DYNC1H1: variants seen among roughly 807,000 people sequenced by gnomAD.
The protein encoded by DYNC1H1 is cytoplasmic dynein 1 heavy chain 1.
Under a neutral mutation model 527.1 loss-of-function variants are expected in DYNC1H1, and 51 were observed. The observed-to-expected ratio is 0.10, with a 90% CI of 0.08 to 0.12. The LOEUF (loss-of-function observed/expected upper bound fraction) is 0.12. DYNC1H1 is among the 10% of genes least tolerant of loss of function. The pLI, the probability that DYNC1H1 is intolerant of heterozygous loss-of-function variation, is 1.00. For synonymous variants in DYNC1H1, 2,189 were observed against 2,278.8 expected, an observed-to-expected ratio of 0.96 and a Z score of 1.12; for missense variants, 2,771 against 5,971.8, an observed-to-expected ratio of 0.46 and a Z score of 17.66.
In DYNC1H1 at chr14:102,036,655, C is replaced by T. The variant is rs756959195; in HGVS notation, c.10908+13C>T. 34 of 1,613,928 alleles carry T rather than the reference C, an allele frequency of 2.1e-5. No individual in the cohort carries two copies. The South Asian group carries it at 2.9e-4, about 14-fold the overall frequency. On this transcript the variant is annotated intron_variant, in intron 57 of 77. Transcript: ENST00000360184. The surrounding 1 kb of genome is among the most constrained non-coding windows in gnomAD (Gnocchi z 5.6). The stretch of plus-strand genomic sequence containing the variant: ...CCTTCTGGTCCAGGTTGGTGTTGGC[C>T]TTTGAATTCTTGAAACACTGCATTC...
chr14:102,006,772 G>T (rs1228688893), intron 27 of DYNC1H1, among the ~76,000 whole-genome samples: 2 of 151,452 alleles, frequency 1.3e-5, no homozygotes, highest in African/African-American at 4.9e-5. Context: ...GCTAATTTTT[G>T]TATTTTTAGT....
rs766063901 is a variant in DYNC1H1 at position 102,044,300 on chromosome 14, G to A, written c.12711G>A (p.Lys4237=). The change falls in exon 71 of 78, where the codon AAG becomes AAA. Residue 4237 remains lysine, a synonymous_variant. Coordinates refer to ENST00000360184, the MANE Select transcript of DYNC1H1 (RefSeq NM_001376.5). This position sits in a 1 kb window ranked among gnomAD's most constrained non-coding sequence, Gnocchi z 7.1. The stretch of plus-strand genomic sequence containing the variant: ...GCAGGCAGAACATCTCACCGGATAA[G>A]ATCCCGTGGTCTGCACTAAAGACCT... ...AKGRQNISPD[K]IPWSALKTLM... 1.9e-6 allele frequency: 3 copies of A among 1,614,036 alleles called. No homozygotes were observed. The highest frequency in any genetic ancestry group is 2.5e-6 in the Non-Finnish European group (3 of 1,180,046).
At chr14:102,025,295 C>T (rs1375814326) in intron 43 of DYNC1H1, among the ~76,000 whole-genome samples, 4 of 152,008 alleles carry the variant, frequency 2.6e-5, no homozygotes, top group Admixed American at 6.6e-5. Context: ...ATCTCAGCTA[C>T]TCAGGAGGCT....
rs763139389 is a variant in DYNC1H1, at chr14:102,029,565, C to G, written c.9495C>G (p.Gly3165=). 1.2e-6 allele frequency: 2 copies of G among 1,614,174 alleles called. No homozygotes were observed. Residue 3165 remains glycine, a synonymous_variant, in exon 49 of 78, where the codon GGC becomes GGG. Coordinates refer to ENST00000360184, the MANE Select transcript of DYNC1H1 (RefSeq NM_001376.5). The surrounding 1 kb of genome is among the most constrained non-coding windows in gnomAD (Gnocchi z 5.3). Reference sequence around the variant, plus strand: ...CGAATGCTCGGCTAGCAAAGCGAGGCGGCAGAACGATGGCCATCACCCCTC... The same window carrying G: ...CGAATGCTCGGCTAGCAAAGCGAGGGGGCAGAACGATGGCCATCACCCCTC... ...HQANARLAKR[G]GRTMAITPRH...
chr14:101,994,476 A>G, intron 12 of DYNC1H1, 152 bp downstream of exon 12: 2 of 1,371,334 alleles, frequency 1.5e-6, no homozygotes, highest in Non-Finnish European at 2.0e-6. Flanking sequence ...AGTAAATGAT[A>G]GGATACATCT....
Position 102,042,209 on chromosome 14 carries a change from C to CT in DYNC1H1, c.12215-18dup. 1.2e-6 allele frequency: 2 copies of CT among 1,614,072 alleles called. No homozygotes were observed. The highest frequency in any genetic ancestry group is 8.5e-7 in the Non-Finnish European group (1 of 1,180,030). Reference sequence around the variant, plus strand: ...ATGTCCGAGGCTGCCGCTGCTAACACTAAGTTTCCCTGCACCAGGCTCTGC... The same window carrying CT: ...ATGTCCGAGGCTGCCGCTGCTAACACTTAAGTTTCCCTGCACCAGGCTCTGC... On this transcript the variant is annotated intron_variant, in intron 66 of 77. Coordinates refer to ENST00000360184, the MANE Select transcript of DYNC1H1 (RefSeq NM_001376.5). This position sits in a 1 kb window ranked among gnomAD's most constrained non-coding sequence, Gnocchi z 5.7.
chr14:101,969,056 C>T lies in DYNC1H1; in HGVS notation c.256+4109C>T, dbSNP rs561344258. On this transcript the variant is annotated intron_variant, in intron 1 of 77. Coordinates refer to ENST00000360184, the MANE Select transcript of DYNC1H1 (RefSeq NM_001376.5). ...TTTTTGAGACAGAGTCTCGCCCTGT[C>T]TCCCAGGCTGGAGTGCAGTGGCACG... Among the ~76,000 whole-genome samples, 13 of 151,566 alleles carry T rather than the reference C, an allele frequency of 8.6e-5. No homozygotes were observed. The East Asian group carries it at 1.8e-3, about 21-fold the overall frequency.
At position 102,012,536 on chromosome 14, in the gene DYNC1H1, G is replaced by C. The variant is rs1030330038; in HGVS notation, c.7014+66G>C. 3 of 1,603,658 alleles carry C rather than the reference G, an allele frequency of 1.9e-6. No homozygotes were observed. Among genetic ancestry groups the C allele is most frequent in the Non-Finnish European group, 2.6e-6 (3 of 1,171,640 alleles). ...TTGGCCAACTAAACTTCGTGTGCTA[G>C]CTAAGTGCAGCTCTGGAGTCATGGA... is the stretch of plus-strand genomic sequence containing the variant. On this transcript the variant is annotated intron_variant, in intron 34 of 77. Transcript: ENST00000360184. The surrounding 1 kb of genome is among the most constrained non-coding windows in gnomAD (Gnocchi z 4.9).
At chr14:101,982,897 A>G in intron 5 of DYNC1H1, 122 bp from the exon 6 acceptor site, 1 of 1,196,280 alleles carries the variant, frequency 8.4e-7, no homozygotes, top group East Asian at 2.4e-5. Context: ...TTCAAATATG[A>G]ATAGTTTTTG....
Position 101,964,597 on chromosome 14 carries a change from T to C in DYNC1H1, c.-95T>C, listed in dbSNP as rs944435270. 6.5e-7 allele frequency: 1 copy of C among 1,528,252 alleles called. No homozygotes were observed. The highest frequency in any genetic ancestry group is 2.5e-5 in the East Asian group (1 of 40,692). 94.7% of individuals were successfully genotyped at this position (1,528,252 alleles called of 1,614,324 possible). A position where few individuals can be genotyped will look rare whatever the true frequency, so the allele number is the denominator to read the frequency against. On this transcript the variant is annotated 5_prime_UTR_variant, in exon 1 of 78. Coordinates refer to ENST00000360184, the MANE Select transcript of DYNC1H1 (RefSeq NM_001376.5). The surrounding 1 kb of genome is among the most constrained non-coding windows in gnomAD (Gnocchi z 5.5). ...CAGTCTGCGGTGGGCTAGCGGACGG[T>C]CCGGCTTCCGGCGGCCGTTTCTGTC...
chr14:101,978,755 A>G (rs1315359645), intron 2 of DYNC1H1, among the ~76,000 whole-genome samples: 1 of 152,244 alleles, frequency 6.6e-6, no homozygotes, highest in Non-Finnish European at 1.5e-5. Flanking sequence ...GGAAGCCCAC[A>G]GAAGAGGTCA....
At chr14:102,000,461 A>G in intron 18 of DYNC1H1, 62 bp downstream of exon 18, 1 of 1,508,050 alleles carries the variant, frequency 6.6e-7, no homozygotes, top group Non-Finnish European at 9.2e-7. Context: ...TTATTTAGGA[A>G]CGTGACAAGC....
At chr14:102,022,228 G>A (rs978134281) in intron 42 of DYNC1H1, among the ~76,000 whole-genome samples, 5 of 151,886 alleles carry the variant, frequency 3.3e-5, no homozygotes, top group African/African-American at 1.2e-4. Context: ...TGGGCGAGGT[G>A]GCTCACGCCT....
Position 102,017,833 on chromosome 14 carries a change from G to A in DYNC1H1, c.8177+329G>A, listed in dbSNP as rs1484454003. 16 of 375,672 alleles carry A rather than the reference G, an allele frequency of 4.3e-5. No individual in the cohort carries two copies. Among genetic ancestry groups the A allele is most frequent in the African/African-American group, 1.3e-4 (6 of 47,464 alleles). The allele number at this position is 375,672 out of a possible 1,614,324, so 23.3% of individuals were successfully genotyped here. On this transcript the variant is annotated intron_variant, in intron 40 of 77. Transcript: ENST00000360184. This position sits in a 1 kb window ranked among gnomAD's most constrained non-coding sequence, Gnocchi z 4.6. ...TACAAAAACAAAATTAAGGCCGGGC[G>A]TGGTGGCTTACGCCTGTAATCCCAG...
rs549411705 is a variant in DYNC1H1 at position 102,001,448 on chromosome 14, C to G, written c.4396-87C>G. 14 of 1,612,672 alleles carry G rather than the reference C, an allele frequency of 8.7e-6. No homozygotes were observed. The African/African-American group carries it at 1.5e-4, about 17-fold the overall frequency. ...AAAATGGAGCCTTGTCATCTGTGGT[C>G]CTTTTGGTTCTTATAATGCTGGGTC... On this transcript the variant is annotated intron_variant, in intron 20 of 77. Transcript: ENST00000360184. The surrounding 1 kb of genome is among the most constrained non-coding windows in gnomAD (Gnocchi z 5.0).
rs1719155586 is a variant in DYNC1H1, at chr14:102,005,920, A to G, written c.5466A>G (p.Thr1822=). The G allele has an allele frequency of 6.2e-7, 1 of 1,614,272 alleles. No homozygotes were observed. ...AGTTGGTTCACCAGAGAGATGTTAC[A>G]AGGTCCTTGATCAAAAGCAAGATTG... ...ITELVHQRDV[T]RSLIKSKIDN... The change falls in exon 27 of 78, where the codon ACA becomes ACG. Residue 1822 remains threonine, a synonymous_variant. Transcript: ENST00000360184. This position sits in a 1 kb window ranked among gnomAD's most constrained non-coding sequence, Gnocchi z 4.0.
rs1440262615 is a variant in DYNC1H1, at chr14:102,051,138, TC to T, written c.*578del. 5.4e-6 allele frequency: 1 copy of T among 185,196 alleles called. No homozygotes were observed. Among genetic ancestry groups the T allele is most frequent in the Non-Finnish European group, 1.1e-5 (1 of 88,102 alleles). The allele number at this position is 185,196 out of a possible 1,614,324, so 11.5% of individuals were successfully genotyped here. ...CAGGTGTGGTGGTGCATGCCTGTAGTCCCAGCTACTTGAGGGCTGAGGTGGG... is the reference window on the plus strand; with the variant it reads ...CAGGTGTGGTGGTGCATGCCTGTAGTCCAGCTACTTGAGGGCTGAGGTGGG... On this transcript the variant is annotated 3_prime_UTR_variant, in exon 78 of 78. Transcript: ENST00000360184.
At position 101,986,043 on chromosome 14, in the gene DYNC1H1, C is replaced by T; in HGVS notation, c.1818C>T (p.Thr606=). 2 of 1,614,190 alleles carry T rather than the reference C, an allele frequency of 1.2e-6. No homozygotes were observed. Among genetic ancestry groups the T allele is most frequent in the Non-Finnish European group, 1.7e-6 (2 of 1,180,032 alleles). The change falls in exon 8 of 78, where the codon ACC becomes ACT. Residue 606 remains threonine (T), a synonymous_variant. Coordinates refer to ENST00000360184, the MANE Select transcript of DYNC1H1 (RefSeq NM_001376.5). The surrounding 1 kb of genome is among the most constrained non-coding windows in gnomAD (Gnocchi z 8.7). ...GTGGGGCCATTCGCGAATACCAGAC[C>T]CAGCTGATCCAGCGCGTGAAAGATG... ...HIRGAIREYQ[T]QLIQRVKDDI...
rs369439004 is a variant in DYNC1H1, at chr14:102,015,809, G to A, written c.7243-47G>A. ...GACCAGGTTAGAATCGATGAAACTC[G>A]CCTGCCTTTTGAAAGATAGTTAAGT... is the stretch of plus-strand genomic sequence containing the variant. On this transcript the variant is annotated intron_variant, in intron 35 of 77. Coordinates refer to ENST00000360184, the MANE Select transcript of DYNC1H1 (RefSeq NM_001376.5). The surrounding 1 kb of genome is among the most constrained non-coding windows in gnomAD (Gnocchi z 6.9). 7 of 1,601,678 alleles carry A rather than the reference G, an allele frequency of 4.4e-6. No homozygotes were observed. The African/African-American group carries it at 6.7e-5, about 15-fold the overall frequency.
Sources: gnomAD v4.1 joint callset for allele counts (sites outside exome capture counted in the v4.1 genomes callset) on GRCh38, gnomAD v4.1.1 for gene constraint, Gnocchi (gnomAD v3.1) non-coding constraint, MANE v1.5 for transcripts, NCBI Gene and HGNC (gene_info 2026-07-23, HGNC 2026-07-21) for gene names.